The following GPC5 variants were observed in gnomAD, a reference collection of about 807,000 sequenced individuals.
GPC5 encodes glypican-5.
In GPC5, 47 loss-of-function variants were observed where a neutral mutation model predicts 53.9. That is an observed-to-expected ratio of 0.87 (90% CI 0.69 to 1.11). The LOEUF (loss-of-function observed/expected upper bound fraction) is 1.11, where lower values mean the gene tolerates loss of function less well. Ranked by LOEUF, GPC5 falls within the 50% of genes most tolerant of loss-of-function variation. The pLI, the probability that GPC5 is intolerant of heterozygous loss-of-function variation, is 0.00. For missense variants in GPC5, 748 were observed against 713.1 expected (o/e 1.05, Z -0.56); for synonymous variants, 286 against 263.3 (o/e 1.09, Z -0.84).
intron 2 of GPC5, among the ~76,000 whole-genome samples, chr13:91,557,766 G>A (rs1232180479): frequency 6.6e-6 from 1 of 152,060 alleles, no homozygotes; most frequent in Non-Finnish European, 1.5e-5. Flanking sequence ...TACATTGCAA[G>A]AAAAAGATGT....
intron 7 of GPC5, chr13:92,239,863 A>T (rs1206324991): frequency 6.6e-6 from 1 of 151,902 alleles, no homozygotes; most frequent in Non-Finnish European, 1.5e-5. Flanking sequence ...TTTTAGCTAT[A>T]TTATATTTAA....
intron 7 of GPC5, among the ~76,000 whole-genome samples, chr13:92,427,899 A>G (rs573127576): frequency 5.3e-4 from 81 of 152,256 alleles, no homozygotes; most frequent in Non-Finnish European, 1.1e-3. Context: ...ACTAAAATAT[A>G]TTTGTATTGT....
At chr13:92,023,526 C>A (rs1263513441) in intron 6 of GPC5, among the ~76,000 whole-genome samples, 1 of 151,818 alleles carries the variant, frequency 6.6e-6, no homozygotes, top group Non-Finnish European at 1.5e-5. Flanking sequence ...TGCTGTTATT[C>A]TCAGCAAATG....
intron 5 of GPC5, among the ~76,000 whole-genome samples, chr13:91,907,363 G>A (rs1187236900): frequency 6.9e-5 from 10 of 145,916 alleles, no homozygotes; most frequent in African/African-American, 2.5e-4. Flanking sequence ...TTACTTGGAG[G>A]AACTAATTAG....
chr13:92,400,923 C>CT (rs35543579), intron 7 of GPC5, among the ~76,000 whole-genome samples: 44 of 150,058 alleles, frequency 2.9e-4, no homozygotes, highest in Non-Finnish European at 3.9e-4. Flanking sequence ...TGGGATGGGT[C>CT]TTTTTTTTTT....
chr13:91,882,276 A>G (rs115626658), intron 5 of GPC5, among the ~76,000 whole-genome samples: 2,496 of 152,174 alleles, frequency 0.016, 37 homozygotes, highest in African/African-American at 0.041. Context: ...AAAATTTTCA[A>G]TGGAAGCTTG....
At chr13:91,832,534 G>C (rs1270860392) in intron 5 of GPC5, among the ~76,000 whole-genome samples, 1 of 151,800 alleles carries the variant, frequency 6.6e-6, no homozygotes, top group African/African-American at 2.4e-5. Flanking sequence ...ATGCTAGCTG[G>C]TTATTTTGCC....
chr13:91,752,847 G>T (rs894394781), intron 4 of GPC5, among the ~76,000 whole-genome samples: 2 of 152,166 alleles, frequency 1.3e-5, no homozygotes, highest in South Asian at 4.1e-4. Flanking sequence ...CATGAGTGCT[G>T]CTTTGAAATG....
chr13:92,497,567 G>T (rs1321921412), intron 7 of GPC5, among the ~76,000 whole-genome samples: 4 of 152,124 alleles, frequency 2.6e-5, no homozygotes, highest in Non-Finnish European at 4.4e-5. Context: ...TTTTTGCTTA[G>T]GCTTGTGTTG....
intron 2 of GPC5, among the ~76,000 whole-genome samples, chr13:91,592,871 T>G (rs962501514): frequency 2.0e-5 from 3 of 152,302 alleles, no homozygotes; most frequent in African/African-American, 7.2e-5. Flanking sequence ...GCCTGAAGAA[T>G]AGCTGTTCCC....
chr13:91,417,884 T>G (rs1878347096), intron 1 of GPC5, among the ~76,000 whole-genome samples: 1 of 152,188 alleles, frequency 6.6e-6, no homozygotes, highest in African/African-American at 2.4e-5. Context: ...ATTCTGATAC[T>G]TTTCACACAT....
rs746857254 is a variant in GPC5, at chr13:92,291,670, A to G, written c.1561+146681A>G. Among the ~76,000 whole-genome samples, 117 of 152,256 alleles carry G rather than the reference A, an allele frequency of 7.7e-4. 1 individual carries two copies. The highest frequency in any genetic ancestry group is 1.3e-3 in the Non-Finnish European group (89 of 68,004). On this transcript the variant is annotated intron_variant, in intron 7 of 7. Coordinates refer to ENST00000377067, the MANE Select transcript of GPC5 (RefSeq NM_004466.6). ...CTAGGGTCCCCTTCCACAATGTCGA[A>G]GCTTTGTTCTTTTGCTGTTTGCAAT...
At chr13:92,659,586 T>G (rs1258293948) in intron 7 of GPC5, among the ~76,000 whole-genome samples, 1 of 152,180 alleles carries the variant, frequency 6.6e-6, no homozygotes, top group Non-Finnish European at 1.5e-5. Flanking sequence ...GTAACCATAT[T>G]CATCCATTAA....
intron 7 of GPC5, chr13:92,446,822 T>G (rs1337362178): frequency 6.6e-6 from 1 of 152,208 alleles, no homozygotes; most frequent in Non-Finnish European, 1.5e-5. Flanking sequence ...ATACAAGCCA[T>G]TTTAACTGGG....
intron 7 of GPC5, among the ~76,000 whole-genome samples, chr13:92,752,575 T>A (rs1874614998): frequency 6.6e-6 from 1 of 152,158 alleles, no homozygotes; most frequent in South Asian, 2.1e-4. Context: ...CCATCTGAGG[T>A]ACCGGGTTCA....
At chr13:92,608,699 C>T (rs1383169622) in intron 7 of GPC5, among the ~76,000 whole-genome samples, 1 of 152,096 alleles carries the variant, frequency 6.6e-6, no homozygotes, top group African/African-American at 2.4e-5. Context: ...TTTGCATGTG[C>T]GGAATCTGAG....
chr13:92,308,974 C>G (rs189661008), intron 7 of GPC5, among the ~76,000 whole-genome samples: 1 of 152,072 alleles, frequency 6.6e-6, no homozygotes, highest in African/African-American at 2.4e-5. Flanking sequence ...TTATTTATTC[C>G]TCATTCATTC....
chr13:91,883,738 G>C (rs564587425), intron 5 of GPC5, among the ~76,000 whole-genome samples: 3 of 152,130 alleles, frequency 2.0e-5, no homozygotes, highest in Non-Finnish European at 4.4e-5. Context: ...GACTTTGACT[G>C]TTCCTCAAAC....
chr13:91,442,942 G>A (rs1289916106), intron 1 of GPC5, among the ~76,000 whole-genome samples: 1 of 152,112 alleles, frequency 6.6e-6, no homozygotes, highest in Admixed American at 6.5e-5. Flanking sequence ...TATCCAAAAG[G>A]AAGGATACCT....
Sources: allele counts gnomAD v4.1 joint callset (sites outside exome capture counted in the v4.1 genomes callset), GRCh38; gene constraint gnomAD v4.1.1; transcripts MANE v1.5; gene names NCBI Gene and HGNC (gene_info 2026-07-23, HGNC 2026-07-21).